The following RAD50 variants were observed in gnomAD, a reference collection of about 807,000 sequenced individuals.
RAD50 encodes the protein DNA repair protein RAD50.
Under a neutral mutation model 168.8 loss-of-function variants are expected in RAD50, and 132 were observed. The observed-to-expected ratio is 0.78, with a 90% CI of 0.68 to 0.90. RAD50 has a LOEUF of 0.90. RAD50 is among the 40% of genes least tolerant of loss of function. RAD50 has a pLI of 0.00. For synonymous variants in RAD50, 525 were observed against 497.4 expected (o/e 1.06, Z -0.74); for missense variants, 1,347 against 1,534.4 (o/e 0.88, Z 2.04).
At chr5:132,585,690 G>T (rs1750584884) in intron 5 of RAD50, among the ~76,000 whole-genome samples, 2 of 146,388 alleles carry the variant, frequency 1.4e-5, no homozygotes, top group African/African-American at 2.5e-5. Context: ...TGCAACCTCT[G>T]ACTCCCAGGC....
intron 14 of RAD50, 118 bp from the exon 15 acceptor site, chr5:132,603,802 T>C: frequency 9.8e-7 from 1 of 1,019,890 alleles, no homozygotes; most frequent in Non-Finnish European, 1.4e-6. Flanking sequence ...TAAAATTGTA[T>C]CTAGAAATGG....
chr5:132,592,521 G>C (rs1473689967), intron 11 of RAD50, among the ~76,000 whole-genome samples: 3 of 152,206 alleles, frequency 2.0e-5, no homozygotes, highest in African/African-American at 7.2e-5. Context: ...TGGTGGAAAA[G>C]GACTCTCTGG....
Position 132,644,066 on chromosome 5 carries a change from T to A in RAD50, c.*1702T>A, listed in dbSNP as rs2149868259. On this transcript the variant is annotated 3_prime_UTR_variant, in exon 25 of 25. Transcript: ENST00000378823. ...ATTTCTCAGTAAATATTAAAGCCAGTTACCTTCTATCAACATGTTAATGAA... is the reference window on the plus strand; with the variant it reads ...ATTTCTCAGTAAATATTAAAGCCAGATACCTTCTATCAACATGTTAATGAA... 1 of 207,080 alleles carries A rather than the reference T, an allele frequency of 4.8e-6. No individual in the cohort carries two copies. The highest frequency in any genetic ancestry group is 7.4e-5 in the East Asian group (1 of 13,448). The allele number at this position is 207,080 out of a possible 1,614,324, so 12.8% of individuals were successfully genotyped here.
chr5:132,638,045 A>G, intron 22 of RAD50, 36 bp from the exon 23 acceptor site: 1 of 1,607,764 alleles, frequency 6.2e-7, no homozygotes, highest in Non-Finnish European at 8.5e-7. Context: ...GCTACAGAGC[A>G]TAGGTTCCTC....
chr5:132,571,414 T>A lies in RAD50; in HGVS notation c.214-4363T>A, dbSNP rs181933115. Among the ~76,000 whole-genome samples the A allele has an allele frequency of 2.9e-4, 44 of 152,352 alleles. 1 individual carries two copies. Among genetic ancestry groups the A allele is most frequent in the Admixed American group, 2.2e-3 (33 of 15,308 alleles). On this transcript the variant is annotated intron_variant, in intron 2 of 24. Coordinates refer to ENST00000378823, the MANE Select transcript of RAD50 (RefSeq NM_005732.4). ...TAATGGAAGAAAGTTTGATGAAGTA[T>A]GAGATAGTTGTATGGTCTCTGCATC...
chr5:132,574,485 A>G (rs1489353880), intron 2 of RAD50, among the ~76,000 whole-genome samples: 3 of 152,138 alleles, frequency 2.0e-5, no homozygotes, highest in Admixed American at 2.0e-4. Context: ...TGGGCTTGTG[A>G]TGGGAGGGGC....
Position 132,595,753 on chromosome 5 carries a change from C to A in RAD50, c.2150C>A (p.Ser717Ter), listed in dbSNP as rs2149844204. ...CCAGATAAACTCAAGTCAACAGAAT[C>A]AGAGCTAAAAAAAAAGGAAAAGCGG... Reference protein sequence around the residue: ...LAPDKLKSTESELKKKEKRRD... With the variant: ...LAPDKLKSTE Residue 717 changes from serine (S) to a stop codon, truncating the protein, a stop_gained, in exon 13 of 25, where the codon TCA (serine) becomes TAA (stop). Coordinates refer to ENST00000378823, the MANE Select transcript of RAD50 (RefSeq NM_005732.4). LOFTEE classifies it high-confidence loss of function. The A allele has an allele frequency of 6.2e-7, 1 of 1,613,592 alleles. No individual in the cohort carries two copies.
At chr5:132,579,677 A>G (rs1750469458) in intron 4 of RAD50, 175 bp downstream of exon 4, 2 of 827,866 alleles carry the variant, frequency 2.4e-6, no homozygotes, top group South Asian at 3.4e-5. Context: ...CTGTGCGTAT[A>G]TTTATTTACC....
At chr5:132,603,175 C>A in intron 13 of RAD50, 125 bp from the exon 14 acceptor site, 2 of 824,680 alleles carry the variant, frequency 2.4e-6, no homozygotes, top group Non-Finnish European at 3.8e-6. Context: ...ATTCCATATC[C>A]ACTGATATGA....
intron 19 of RAD50, among the ~76,000 whole-genome samples, chr5:132,609,909 C>A (rs1327204965): frequency 6.7e-6 from 1 of 150,022 alleles, no homozygotes; most frequent in Non-Finnish European, 1.5e-5. Context: ...AAGTGTTCCT[C>A]CCCTTCTCCT....
rs1751809972 is a variant in RAD50, at chr5:132,644,533, TTGAATG to T, written c.*2170_*2175del. ...ATATTTTGTAGGGTTGTTATGAAGATTGAATGACATTATTTACAAACTGCTTAGAAC... is the reference window on the plus strand; with the variant it reads ...ATATTTTGTAGGGTTGTTATGAAGATACATTATTTACAAACTGCTTAGAAC... On this transcript the variant is annotated 3_prime_UTR_variant, in exon 25 of 25. Coordinates refer to ENST00000378823, the MANE Select transcript of RAD50 (RefSeq NM_005732.4). The T allele has an allele frequency of 1.1e-5, 2 of 181,776 alleles. No homozygotes were observed. The highest frequency in any genetic ancestry group is 4.7e-5 in the African/African-American group (2 of 42,470). The allele number at this position is 181,776 out of a possible 1,614,324, so 11.3% of individuals were successfully genotyped here. A position where few individuals can be genotyped will look rare whatever the true frequency, so the allele number is the denominator to read the frequency against.
Position 132,607,828 on chromosome 5 carries a change from A to AT in RAD50, c.2719-786dup, listed in dbSNP as rs572234219. On this transcript the variant is annotated intron_variant, in intron 16 of 24. Coordinates refer to ENST00000378823, the MANE Select transcript of RAD50 (RefSeq NM_005732.4). ...ACACACCATACCACTTCCCAGTATG[A>AT]TAAAATAGACCTATATTGAAGTAAT... Among the ~76,000 whole-genome samples the AT allele has an allele frequency of 2.0e-3, 298 of 152,298 alleles. 1 individual carries two copies. Among genetic ancestry groups the AT allele is most frequent in the African/African-American group, 5.5e-3 (229 of 41,570 alleles).
Position 132,591,304 on chromosome 5 carries a change from A to G in RAD50, c.1533A>G (p.Lys511=), listed in dbSNP as rs1750692958. ...KMEVISLQNE[K]ADLDRTLRKL... is the part of the protein sequence containing the mutation. ...AAGTAATAAGTCTCCAAAATGAAAA[A>G]GCAGACTTAGACAGGACCCTGCGTA... Residue 511 remains lysine (K), a synonymous_variant, in exon 10 of 25, where the codon AAA becomes AAG. Transcript: ENST00000378823. The G allele has an allele frequency of 6.2e-7, 1 of 1,613,214 alleles. No homozygotes were observed. Among genetic ancestry groups the G allele is most frequent in the Non-Finnish European group, 8.5e-7 (1 of 1,179,284 alleles).
chr5:132,570,559 A>G (rs1750284363), intron 2 of RAD50, among the ~76,000 whole-genome samples: 1 of 152,140 alleles, frequency 6.6e-6, no homozygotes, highest in South Asian at 2.1e-4. Context: ...AGCCTCATGA[A>G]CCAACCATTG....
intron 5 of RAD50, 22 bp from the exon 6 acceptor site, chr5:132,587,540 T>C (rs772882914): frequency 1.2e-6 from 2 of 1,611,184 alleles, no homozygotes; most frequent in Non-Finnish European, 8.5e-7. Flanking sequence ...GTTTTATTTA[T>C]GTAATGTTTC....
rs115888099 is a variant in RAD50 at position 132,607,499 on chromosome 5, A to G, written c.2719-1116A>G. On this transcript the variant is annotated intron_variant, in intron 16 of 24. Coordinates refer to ENST00000378823, the MANE Select transcript of RAD50 (RefSeq NM_005732.4). ...TTATATAATTATGCGTACTCATTCA[A>G]TAAGCACTAAGTATATTACTGAATA... Among the ~76,000 whole-genome samples, 993 of 152,320 alleles carry G rather than the reference A, an allele frequency of 6.5e-3. 5 individuals carry two copies. The highest frequency in any genetic ancestry group is 0.023 in the African/African-American group (950 of 41,562).
chr5:132,641,979 C>G, intron 24 of RAD50, 199 bp from the exon 25 acceptor site: 1 of 600,692 alleles, frequency 1.7e-6, no homozygotes, highest in Non-Finnish European at 2.9e-6. Context: ...GGCCATGTGT[C>G]CCTACTGTCT....
rs527611267 is a variant in RAD50, at chr5:132,559,130, A to G, written c.130-154A>G. Among the ~76,000 whole-genome samples the G allele has an allele frequency of 3.3e-5, 5 of 152,310 alleles. No individual in the cohort carries two copies. The South Asian group carries it at 1.0e-3, about 32-fold the overall frequency. On this transcript the variant is annotated intron_variant, in intron 1 of 24. Transcript: ENST00000378823. The stretch of plus-strand genomic sequence containing the variant: ...GCATTTCTGTGAACTTACAGCATTA[A>G]CACTTAATCATATTTTTATTACAGG...
chr5:132,603,271 CT>C, intron 13 of RAD50, 28 bp from the exon 14 acceptor site: 1 of 1,567,474 alleles, frequency 6.4e-7, no homozygotes, highest in Non-Finnish European at 8.7e-7. Context: ...ACATCAGATA[CT>C]TTATTTTTAA....
Sources: gnomAD v4.1 joint callset for allele counts (sites outside exome capture counted in the v4.1 genomes callset) on GRCh38, gnomAD v4.1.1 for gene constraint, MANE v1.5 for transcripts, NCBI Gene and HGNC (gene_info 2026-07-23, HGNC 2026-07-21) for gene names.